Variants in WRN observed in about 807,000 individuals in gnomAD.
WRN encodes the protein WRN RecQ like helicase.
WRN carries 149 observed loss-of-function variants against 180.7 expected under a neutral mutation model. The ratio of observed to expected loss-of-function variants is 0.82; its 90% confidence interval spans 0.72 to 0.94. The LOEUF (loss-of-function observed/expected upper bound fraction) is 0.94. Among genes scored for constraint, WRN ranks in the 40% least tolerant of loss-of-function variants. The probability of loss-of-function intolerance (pLI) is 0.00; values close to 1 mark genes in which losing one functional copy is unlikely to be tolerated. For missense variants in WRN, 1,661 were observed against 1,700.1 expected, an observed-to-expected ratio of 0.98 and a Z score of 0.40; for synonymous variants, 548 against 568.9, an observed-to-expected ratio of 0.96 and a Z score of 0.52.
chr8:31,076,570 A>G (rs1311424414), intron 8 of WRN, among the ~76,000 whole-genome samples: 1 of 152,150 alleles, frequency 6.6e-6, no homozygotes, highest in African/African-American at 2.4e-5. Context: ...TCTATATTAT[A>G]TTTTTTGTCA....
At chr8:31,057,345 C>T (rs748359106) in intron 1 of WRN, among the ~76,000 whole-genome samples, 8 of 151,678 alleles carry the variant, frequency 5.3e-5, no homozygotes, top group South Asian at 2.1e-4. Flanking sequence ...GGTGGGCGAT[C>T]GGATCACGAG....
intron 3 of WRN, among the ~76,000 whole-genome samples, chr8:31,063,026 G>T (rs2130025648): frequency 6.6e-6 from 1 of 151,678 alleles, no homozygotes; most frequent in African/African-American, 2.4e-5. Context: ...TAAAGACAGG[G>T]TCTCACTATG....
intron 3 of WRN, among the ~76,000 whole-genome samples, chr8:31,061,123 C>T (rs1011088785): frequency 1.7e-4 from 26 of 152,116 alleles, no homozygotes; most frequent in African/African-American, 6.3e-4. Context: ...GTGTCACAGG[C>T]CACTGAGGCT....
intron 28 of WRN, among the ~76,000 whole-genome samples, chr8:31,143,871 T>C (rs1310995558): frequency 6.6e-6 from 1 of 152,150 alleles, no homozygotes; most frequent in East Asian, 1.9e-4. Context: ...ATATGTGATA[T>C]CTCATTTAAT....
chr8:31,056,847 T>G (rs1309423997), intron 1 of WRN, among the ~76,000 whole-genome samples: 1 of 152,242 alleles, frequency 6.6e-6, no homozygotes, highest in East Asian at 1.9e-4. Flanking sequence ...TCTTTCTTGC[T>G]AACATTTTCT....
At chr8:31,084,387 C>T (rs999633579) in intron 10 of WRN, among the ~76,000 whole-genome samples, 4 of 151,930 alleles carry the variant, frequency 2.6e-5, no homozygotes, top group Non-Finnish European at 4.4e-5. Flanking sequence ...TTTCTTTATT[C>T]GTTAAATAAG....
chr8:31,091,797 A>G (rs1813756375), intron 15 of WRN, 33 bp from the exon 16 acceptor site: 2 of 1,580,674 alleles, frequency 1.3e-6, no homozygotes, highest in Non-Finnish European at 1.7e-6. Context: ...TAATGTGTAC[A>G]TGGTGCCAGA....
intron 29 of WRN, 99 bp downstream of exon 29, chr8:31,147,227 C>A: frequency 6.7e-7 from 1 of 1,495,232 alleles, no homozygotes; most frequent in Non-Finnish European, 9.3e-7. Context: ...AAAAATTGTT[C>A]TTAAGCTAAG....
At chr8:31,122,454 AAATTTATGTTTTT>A (rs1195366446) in intron 21 of WRN, among the ~76,000 whole-genome samples, 1 of 152,010 alleles carries the variant, frequency 6.6e-6, no homozygotes, top group Non-Finnish European at 1.5e-5. Context: ...ATCTTCATGT[AAATTTATGTTTTT>A]AATTGCAGAA....
intron 2 of WRN, among the ~76,000 whole-genome samples, chr8:31,058,834 C>G (rs1812376216): frequency 6.6e-6 from 1 of 152,098 alleles, no homozygotes; most frequent in Non-Finnish European, 1.5e-5. Flanking sequence ...TGTTTGCCAG[C>G]CGGTCTTCAG....
intron 1 of WRN, among the ~76,000 whole-genome samples, chr8:31,043,401 T>C (rs1330108339): frequency 2.6e-5 from 4 of 152,172 alleles, no homozygotes; most frequent in South Asian, 2.1e-4. Flanking sequence ...CTTAAGACAG[T>C]TGGATTTCAC....
chr8:31,148,252 TTCC>T (rs755701672), intron 30 of WRN, among the ~76,000 whole-genome samples: 94 of 152,266 alleles, frequency 6.2e-4, no homozygotes, highest in Middle Eastern at 6.8e-3. Flanking sequence ...TGTCTATGCC[TTCC>T]TCCTCCTTCT....
rs937000905 is a variant in WRN, at chr8:31,149,838, C to A, written c.3573-503C>A. 1.3e-5 allele frequency among the ~76,000 whole-genome samples: 2 copies of A among 152,012 alleles called. 1 individual carries two copies. Among genetic ancestry groups the A allele is most frequent in the South Asian group, 4.2e-4 (2 of 4,788 alleles). ...AGGCAGATTTTTAGAAGGAGGGCAT[C>A]GAATGGGTTCTTGGATATTGGACAC... On this transcript the variant is annotated intron_variant, in intron 30 of 34. Coordinates refer to ENST00000298139, the MANE Select transcript of WRN (RefSeq NM_000553.6).
chr8:31,119,677 TTTA>T (rs1801646417), intron 20 of WRN, among the ~76,000 whole-genome samples: 2 of 152,130 alleles, frequency 1.3e-5, no homozygotes, highest in African/African-American at 2.4e-5. Context: ...TATTTGTATT[TTTA>T]TTGTTATTAC....
At chr8:31,158,792 A>G (rs995463039) in intron 33 of WRN, among the ~76,000 whole-genome samples, 5 of 152,062 alleles carry the variant, frequency 3.3e-5, no homozygotes, top group Non-Finnish European at 7.4e-5. Context: ...TCCATTGATC[A>G]CGGTGGAAGC....
chr8:31,096,717 T>C (rs1377777553), intron 16 of WRN, 51 bp from the exon 17 acceptor site: 1 of 1,401,964 alleles, frequency 7.1e-7, no homozygotes, highest in Admixed American at 1.8e-5. Flanking sequence ...TGTTAATATG[T>C]TTCCCTTCCT....
intron 17 of WRN, among the ~76,000 whole-genome samples, chr8:31,100,403 G>A (rs1306206366): frequency 6.6e-6 from 1 of 152,142 alleles, no homozygotes. Context: ...TTTGCAATAT[G>A]ATATGTGATC....
At position 31,116,516 on chromosome 8, in the gene WRN, A is replaced by G; in HGVS notation, c.2436A>G (p.Arg812=). The stretch of plus-strand genomic sequence containing the variant: ...AAGACATTCATCATAGGTTTGTAAG[A>G]GATGAAATTCAGGTATGAGGATCAA... ...TRKDIHHRFV[R]DEIQCVIATI... is the part of the protein sequence containing the mutation. The change falls in exon 20 of 35, where the codon AGA becomes AGG. Residue 812 remains arginine, a synonymous_variant. Coordinates refer to ENST00000298139, the MANE Select transcript of WRN (RefSeq NM_000553.6). 6.2e-7 allele frequency: 1 copy of G among 1,613,894 alleles called. No individual in the cohort carries two copies. Among genetic ancestry groups the G allele is most frequent in the Non-Finnish European group, 8.5e-7 (1 of 1,179,876 alleles).
At chr8:31,034,913 T>C (rs1440208189) in intron 1 of WRN, among the ~76,000 whole-genome samples, 2 of 152,214 alleles carry the variant, frequency 1.3e-5, no homozygotes, top group Admixed American at 6.5e-5. Context: ...GGTTCCAGTC[T>C]AGAGCCCATA....
Sources: gnomAD v4.1 joint callset for allele counts (sites outside exome capture counted in the v4.1 genomes callset) on GRCh38, gnomAD v4.1.1 for gene constraint, MANE v1.5 for transcripts, NCBI Gene and HGNC (gene_info 2026-07-23, HGNC 2026-07-21) for gene names.